KCNK13: variants seen among roughly 807,000 people sequenced by gnomAD.
KCNK13 encodes the protein potassium two pore domain channel subfamily K member 13.
Under a neutral mutation model 23.4 loss-of-function variants are expected in KCNK13, and 12 were observed. The ratio of observed to expected loss-of-function variants is 0.51; its 90% CI spans 0.33 to 0.83. The LOEUF (loss-of-function observed/expected upper bound fraction) is 0.83, where lower values mean the gene tolerates loss of function less well. KCNK13 is among the 40% of genes least tolerant of loss of function. The probability of loss-of-function intolerance (pLI) is 0.02; values close to 1 mark genes in which losing one functional copy is unlikely to be tolerated. For synonymous variants in KCNK13, 231 were observed against 229.5 expected (o/e 1.01, Z -0.06); for missense variants, 463 against 556.3 (o/e 0.83, Z 1.69).
chr14:90,114,345 C>A (rs899816637), intron 1 of KCNK13, among the ~76,000 whole-genome samples: 7 of 152,178 alleles, frequency 4.6e-5, no homozygotes, highest in African/African-American at 1.7e-4. Context: ...TCAAACTTGG[C>A]TGCACATTGG....
At chr14:90,178,801 T>C (rs1426307519) in intron 1 of KCNK13, among the ~76,000 whole-genome samples, 2 of 152,028 alleles carry the variant, frequency 1.3e-5, no homozygotes, top group East Asian at 1.9e-4. Context: ...ATAAGAACAC[T>C]CTTGAAATAC....
At chr14:90,099,490 G>A (rs1191046668) in intron 1 of KCNK13, among the ~76,000 whole-genome samples, 1 of 152,178 alleles carries the variant, frequency 6.6e-6, no homozygotes, top group Non-Finnish European at 1.5e-5. Context: ...CATGGATTTG[G>A]CTCCAGGAGA....
chr14:90,172,390 T>G (rs949569758), intron 1 of KCNK13, among the ~76,000 whole-genome samples: 4 of 151,772 alleles, frequency 2.6e-5, no homozygotes, highest in African/African-American at 9.7e-5. Context: ...TTGCCTTAGA[T>G]TTATAGGTGT....
intron 1 of KCNK13, among the ~76,000 whole-genome samples, chr14:90,174,351 T>C (rs1890398998): frequency 6.6e-6 from 1 of 151,860 alleles, no homozygotes; most frequent in Admixed American, 6.6e-5. Flanking sequence ...AACCATCAGA[T>C]CTCATGAGAA....
intron 1 of KCNK13, among the ~76,000 whole-genome samples, chr14:90,076,730 C>T (rs181168145): frequency 1.3e-5 from 2 of 152,248 alleles, no homozygotes; most frequent in East Asian, 3.9e-4. Context: ...ATTGTCTGAG[C>T]GTCTCTCTCT....
intron 1 of KCNK13, among the ~76,000 whole-genome samples, chr14:90,098,357 G>A (rs1237630785): frequency 6.6e-6 from 1 of 152,158 alleles, no homozygotes; most frequent in African/African-American, 2.4e-5. Context: ...AAGTTTTGAA[G>A]TGCTATAATT....
At chr14:90,071,538 T>A (rs2140389369) in intron 1 of KCNK13, among the ~76,000 whole-genome samples, 1 of 152,306 alleles carries the variant, frequency 6.6e-6, no homozygotes, top group South Asian at 2.1e-4. Context: ...TGACTTCACT[T>A]CTGCAACATC....
At chr14:90,119,426 A>T (rs1889711906) in intron 1 of KCNK13, among the ~76,000 whole-genome samples, 1 of 152,214 alleles carries the variant, frequency 6.6e-6, no homozygotes. Flanking sequence ...CCAGCAGCAC[A>T]TCAAAAACTA....
At chr14:90,063,032 G>T (rs959534872) in intron 1 of KCNK13, among the ~76,000 whole-genome samples, 1 of 152,128 alleles carries the variant, frequency 6.6e-6, no homozygotes, top group African/African-American at 2.4e-5. Context: ...CAGAACAGCA[G>T]ACTGAAAGTG....
Position 90,126,706 on chromosome 14 carries a change from G to A in KCNK13, c.335-57405G>A, listed in dbSNP as rs1889805865. Among the ~76,000 whole-genome samples the A allele has an allele frequency of 2.0e-5, 3 of 152,140 alleles. No individual in the cohort carries two copies. In the South Asian group the frequency reaches 6.2e-4, roughly 32 times the overall value. On this transcript the variant is annotated intron_variant, in intron 1 of 1. Coordinates refer to ENST00000282146, the MANE Select transcript of KCNK13 (RefSeq NM_022054.4). ...CTACAGGCACACGCCACCATCCCTG[G>A]CTAATTTTTATATTTTTAGTAGAGA... is the stretch of plus-strand genomic sequence containing the variant.
At chr14:90,078,676 C>T (rs1434994150) in intron 1 of KCNK13, among the ~76,000 whole-genome samples, 1 of 152,058 alleles carries the variant, frequency 6.6e-6, no homozygotes, top group African/African-American at 2.4e-5. Context: ...GTGCTGAGAA[C>T]TCAGCAAAGG....
chr14:90,158,625 C>T (rs1201558913), intron 1 of KCNK13, among the ~76,000 whole-genome samples: 1 of 152,200 alleles, frequency 6.6e-6, no homozygotes, highest in Non-Finnish European at 1.5e-5. Flanking sequence ...AAGAAGGCTT[C>T]CTGGGGTGCA....
rs559348923 is a variant in KCNK13 at position 90,088,477 on chromosome 14, G to C, written c.334+25938G>C. ...AATAGAGAAGAGATGTGCACAGTCA[G>C]CTCTCAGGCGCCTTTCCCAGCCAGC... On this transcript the variant is annotated intron_variant, in intron 1 of 1. Transcript: ENST00000282146. Among the ~76,000 whole-genome samples, 10 of 152,336 alleles carry C rather than the reference G, an allele frequency of 6.6e-5. 2 individuals are homozygous for C. The highest frequency in any genetic ancestry group is 2.4e-4 in the African/African-American group (10 of 41,572).
At chr14:90,071,245 A>G (rs1300634631) in intron 1 of KCNK13, among the ~76,000 whole-genome samples, 2 of 152,172 alleles carry the variant, frequency 1.3e-5, no homozygotes, top group Non-Finnish European at 2.9e-5. Context: ...GTCCTGTCCA[A>G]GAAGCTGTCT....
chr14:90,181,910 A>AT (rs1890491990), intron 1 of KCNK13, among the ~76,000 whole-genome samples: 1 of 152,064 alleles, frequency 6.6e-6, no homozygotes, highest in African/African-American at 2.4e-5. Flanking sequence ...CCCTGTGTTT[A>AT]GTAACTACAG....
At chr14:90,178,300 AT>A (rs1308396692) in intron 1 of KCNK13, among the ~76,000 whole-genome samples, 1 of 112,510 alleles carries the variant, frequency 8.9e-6, no homozygotes, top group Non-Finnish European at 1.9e-5. Flanking sequence ...TTTTATTTTT[AT>A]TTTTTTTGAG....
intron 1 of KCNK13, among the ~76,000 whole-genome samples, chr14:90,078,009 T>C (rs1889160136): frequency 6.6e-6 from 1 of 152,240 alleles, no homozygotes; most frequent in East Asian, 1.9e-4. Flanking sequence ...TGGCTCCAGA[T>C]GTTACATATC....
At chr14:90,120,709 G>T (rs1683269311) in intron 1 of KCNK13, among the ~76,000 whole-genome samples, 1 of 152,074 alleles carries the variant, frequency 6.6e-6, no homozygotes, top group African/African-American at 2.4e-5. Flanking sequence ...GATGAGATTT[G>T]GGTGGGGACA....
At chr14:90,152,287 G>T (rs1448953537) in intron 1 of KCNK13, among the ~76,000 whole-genome samples, 3 of 152,198 alleles carry the variant, frequency 2.0e-5, no homozygotes, top group Non-Finnish European at 4.4e-5. Flanking sequence ...TGTAATCCCA[G>T]CACTTTGGGA....
Sources: allele counts gnomAD v4.1 joint callset (sites outside exome capture counted in the v4.1 genomes callset), GRCh38; gene constraint gnomAD v4.1.1; transcripts MANE v1.5; gene names NCBI Gene and HGNC (gene_info 2026-07-23, HGNC 2026-07-21).